The following PTPRT variants were observed in gnomAD, a reference collection of about 807,000 sequenced individuals.
The protein encoded by PTPRT is protein tyrosine phosphatase receptor type T.
PTPRT carries 56 observed loss-of-function variants against 176.8 expected under a neutral mutation model. The ratio of observed to expected loss-of-function variants is 0.32; its 90% CI spans 0.26 to 0.40. PTPRT has a LOEUF of 0.40. Among genes scored for constraint, PTPRT ranks in the 10% least tolerant of loss-of-function variants. The probability of loss-of-function intolerance (pLI) is 1.00; values close to 1 mark genes in which losing one functional copy is unlikely to be tolerated. For synonymous variants in PTPRT, 783 were observed against 739.0 expected (o/e 1.06, Z -0.96); for missense variants, 1,540 against 1,908.2 (o/e 0.81, Z 3.60).
At chr20:42,627,308 A>C (rs1400493713) in intron 7 of PTPRT, among the ~76,000 whole-genome samples, 2 of 151,170 alleles carry the variant, frequency 1.3e-5, no homozygotes, top group Non-Finnish European at 2.9e-5. Context: ...TTTTTAAGAG[A>C]TAGGGTCTCT....
chr20:42,885,132 T>TATA (rs2079081556), intron 2 of PTPRT, among the ~76,000 whole-genome samples: 1 of 147,566 alleles, frequency 6.8e-6, no homozygotes, highest in Non-Finnish European at 1.5e-5. Context: ...TAATACAATA[T>TATA]ATAATAATAA....
At chr20:42,264,587 G>A (rs2056807874) in intron 13 of PTPRT, among the ~76,000 whole-genome samples, 1 of 152,138 alleles carries the variant, frequency 6.6e-6, no homozygotes, top group South Asian at 2.1e-4. Context: ...TAGTCTTCTG[G>A]CACAGCCATG....
chr20:43,120,748 C>A (rs112019149), intron 1 of PTPRT, among the ~76,000 whole-genome samples: 37 of 152,302 alleles, frequency 2.4e-4, no homozygotes, highest in African/African-American at 8.7e-4. Flanking sequence ...ATTCTTCCAG[C>A]CACTGCCAGT....
chr20:42,171,723 C>T (rs781664517), intron 16 of PTPRT, among the ~76,000 whole-genome samples: 9 of 152,094 alleles, frequency 5.9e-5, no homozygotes, highest in Non-Finnish European at 7.4e-5. Flanking sequence ...GTGCATCTGG[C>T]ATCCAAATTT....
intron 13 of PTPRT, among the ~76,000 whole-genome samples, chr20:42,274,884 A>G (rs1349489464): frequency 6.6e-6 from 1 of 152,158 alleles, no homozygotes; most frequent in Non-Finnish European, 1.5e-5. Context: ...TTCTATTATC[A>G]ATTATTACTA....
chr20:42,174,650 T>C (rs553799628), intron 16 of PTPRT, among the ~76,000 whole-genome samples: 2 of 152,240 alleles, frequency 1.3e-5, no homozygotes, highest in African/African-American at 4.8e-5. Context: ...AAGAATCTGA[T>C]ATATTGAGGA....
In PTPRT at chr20:43,046,543, CA is replaced by C. The variant is rs3092687; in HGVS notation, c.88+143102del. ...TGGGTAACAGAGCGAGTCTCTGTCT[CA>C]AAAAAAAAAAAAATGGTTACTGAAA... On this transcript the variant is annotated intron_variant, in intron 1 of 30. Coordinates refer to ENST00000373187, the MANE Select transcript of PTPRT (RefSeq NM_007050.6). Among the ~76,000 whole-genome samples, 457 of 140,392 alleles carry C rather than the reference CA, an allele frequency of 3.3e-3. 1 individual carries two copies. Among genetic ancestry groups the C allele is most frequent in the Middle Eastern group, 7.4e-3 (2 of 272 alleles). The allele number at this position is 140,392 out of a possible 152,430, so 92.1% of individuals were successfully genotyped here.
intron 13 of PTPRT, among the ~76,000 whole-genome samples, chr20:42,271,858 T>C (rs6093610): frequency 0.13 from 19,069 of 152,204 alleles, 1,759 homozygotes; most frequent in African/African-American, 0.25. Context: ...ATTGAGAAGA[T>C]AGAGTATTCC....
At chr20:43,170,626 C>G (rs2014973562) in intron 1 of PTPRT, among the ~76,000 whole-genome samples, 1 of 152,210 alleles carries the variant, frequency 6.6e-6, no homozygotes, top group Non-Finnish European at 1.5e-5. Context: ...GCTACTATCC[C>G]TCACCAGGTA....
intron 1 of PTPRT, among the ~76,000 whole-genome samples, chr20:43,157,548 A>G (rs575300728): frequency 6.6e-5 from 10 of 152,332 alleles, no homozygotes; most frequent in Non-Finnish European, 1.0e-4. Flanking sequence ...TTGCAGTATT[A>G]AACTAAGTAG....
intron 1 of PTPRT, among the ~76,000 whole-genome samples, chr20:43,091,993 A>G (rs2011897165): frequency 6.6e-6 from 1 of 152,338 alleles, no homozygotes; most frequent in Non-Finnish European, 1.5e-5. Flanking sequence ...AAGCAAATTC[A>G]TCTCATCACA....
At chr20:43,007,729 T>G (rs1349460867) in intron 1 of PTPRT, among the ~76,000 whole-genome samples, 1 of 152,220 alleles carries the variant, frequency 6.6e-6, no homozygotes, top group Non-Finnish European at 1.5e-5. Context: ...CTCAGCTTTC[T>G]TTTTCAAATG....
At chr20:42,186,966 A>G (rs1416767106) in intron 16 of PTPRT, among the ~76,000 whole-genome samples, 5 of 152,190 alleles carry the variant, frequency 3.3e-5, no homozygotes, top group Admixed American at 2.6e-4. Context: ...TCTCTCCTGA[A>G]TGTATCCTTG....
intron 2 of PTPRT, among the ~76,000 whole-genome samples, chr20:42,870,954 C>CTTTTT (rs61532865): frequency 7.1e-6 from 1 of 140,424 alleles, no homozygotes; most frequent in African/African-American, 2.6e-5. Context: ...ATTTTCTTTT[C>CTTTTT]TTTTTTTTTT....
intron 5 of PTPRT, among the ~76,000 whole-genome samples, chr20:42,767,606 T>A (rs1469656717): frequency 8.6e-5 from 13 of 150,906 alleles, no homozygotes; most frequent in Admixed American, 6.0e-4. Flanking sequence ...TGTTTACATC[T>A]ATAAGGAAAC....
At chr20:43,089,665 T>G (rs974353461) in intron 1 of PTPRT, among the ~76,000 whole-genome samples, 4 of 152,146 alleles carry the variant, frequency 2.6e-5, no homozygotes, top group Non-Finnish European at 5.9e-5. Flanking sequence ...AGAAGCTGTT[T>G]CCCATCATGG....
intron 8 of PTPRT, among the ~76,000 whole-genome samples, chr20:42,459,323 C>G (rs74909138): frequency 6.6e-6 from 1 of 152,080 alleles, no homozygotes; most frequent in Admixed American, 6.6e-5. Flanking sequence ...TGTGAGCTAC[C>G]GTGAAACTTC....
intron 7 of PTPRT, among the ~76,000 whole-genome samples, chr20:42,503,400 C>T (rs999249173): frequency 6.6e-6 from 1 of 151,986 alleles, no homozygotes; most frequent in African/African-American, 2.4e-5. Context: ...TTCTAAATAG[C>T]TTATCTGTTG....
chr20:42,361,312 C>T (rs952154505), intron 9 of PTPRT, among the ~76,000 whole-genome samples: 18 of 152,156 alleles, frequency 1.2e-4, no homozygotes, highest in African/African-American at 4.3e-4. Context: ...GCCTGAATTT[C>T]TAAACCTGTG....
Sources: gnomAD v4.1 joint callset for allele counts (sites outside exome capture counted in the v4.1 genomes callset) on GRCh38, gnomAD v4.1.1 for gene constraint, MANE v1.5 for transcripts, NCBI Gene and HGNC (gene_info 2026-07-23, HGNC 2026-07-21) for gene names.